ZMAT4: variants seen among roughly 807,000 people sequenced by gnomAD.
ZMAT4 encodes the protein zinc finger matrin-type 4, also known as zinc finger matrin-type protein 4.
In ZMAT4, 17 loss-of-function variants were observed where a neutral mutation model predicts 28.7. The observed-to-expected ratio is 0.59, with a 90% CI of 0.41 to 0.89. The LOEUF is 0.89. Ranked by LOEUF, ZMAT4 falls within the 40% of genes least tolerant of loss-of-function variation. The pLI, the probability that ZMAT4 is intolerant of heterozygous loss-of-function variation, is 0.00. For synonymous variants in ZMAT4, 117 were observed against 109.2 expected (o/e 1.07, Z -0.44); for missense variants, 240 against 283.8 (o/e 0.85, Z 1.11).
intron 5 of ZMAT4, among the ~76,000 whole-genome samples, chr8:40,628,791 T>C (rs945747140): frequency 4.6e-5 from 7 of 152,144 alleles, no homozygotes; most frequent in African/African-American, 1.7e-4. Flanking sequence ...CACTTCTGGG[T>C]CCTTTTAGGC....
intron 1 of ZMAT4, among the ~76,000 whole-genome samples, chr8:40,862,577 A>T (rs1563534433): frequency 8.9e-6 from 1 of 112,270 alleles, no homozygotes; most frequent in African/African-American, 3.6e-5. Context: ...TAATAAAAAA[A>T]AAAAATTAAA....
chr8:40,815,864 G>A (rs1364947975), intron 2 of ZMAT4, among the ~76,000 whole-genome samples: 1 of 152,112 alleles, frequency 6.6e-6, no homozygotes, highest in Non-Finnish European at 1.5e-5. Context: ...TACCTCCCCG[G>A]CACTGTAATA....
At chr8:40,548,323 G>A (rs564485757) in intron 6 of ZMAT4, among the ~76,000 whole-genome samples, 1 of 151,928 alleles carries the variant, frequency 6.6e-6, no homozygotes, top group South Asian at 2.1e-4. Context: ...AGGAAGAAGA[G>A]GAAGGATATA....
chr8:40,661,295 T>G (rs1256844425), intron 5 of ZMAT4, among the ~76,000 whole-genome samples: 5 of 152,222 alleles, frequency 3.3e-5, no homozygotes, highest in Non-Finnish European at 7.3e-5. Context: ...AAATGGGGTT[T>G]CACCATGTTG....
intron 3 of ZMAT4, among the ~76,000 whole-genome samples, chr8:40,709,432 A>G (rs1162025438): frequency 6.6e-6 from 1 of 152,220 alleles, no homozygotes; most frequent in Non-Finnish European, 1.5e-5. Flanking sequence ...TAAACCGTAT[A>G]GAAAGATATT....
chr8:40,618,544 G>A (rs750410583), intron 5 of ZMAT4, among the ~76,000 whole-genome samples: 2 of 151,660 alleles, frequency 1.3e-5, no homozygotes, highest in African/African-American at 2.4e-5. Context: ...TTAGTACAAG[G>A]TTTTTAATCA....
At chr8:40,608,204 G>A (rs182524931) in intron 5 of ZMAT4, among the ~76,000 whole-genome samples, 27 of 152,242 alleles carry the variant, frequency 1.8e-4, no homozygotes, top group Admixed American at 4.6e-4. Context: ...ATGGGGGCAG[G>A]ATTAGGCATG....
chr8:40,563,481 G>A (rs954319663), intron 6 of ZMAT4, among the ~76,000 whole-genome samples: 4 of 151,956 alleles, frequency 2.6e-5, no homozygotes, highest in Admixed American at 6.6e-5. Flanking sequence ...TCAAGTATTA[G>A]GTCTCTAGCA....
chr8:40,532,242 T>C lies in ZMAT4; in HGVS notation c.675-4A>G. ...CTTTCACTACTTATTCTTCAGGCTA[T>C]AAGACAGAAGGAAACACAGTGTTAC... On this transcript the variant is annotated splice_region_variant and splice_polypyrimidine_tract_variant and intron_variant, in intron 6 of 6. Transcript: ENST00000297737. 6.3e-7 allele frequency: 1 copy of C among 1,585,308 alleles called. No individual in the cohort carries two copies. The highest frequency in any genetic ancestry group is 8.6e-7 in the Non-Finnish European group (1 of 1,165,350).
intron 5 of ZMAT4, among the ~76,000 whole-genome samples, chr8:40,610,016 G>A (rs1359816900): frequency 6.6e-6 from 1 of 152,152 alleles, no homozygotes; most frequent in African/African-American, 2.4e-5. Flanking sequence ...ATTGTTAGAA[G>A]ATTAAATAAA....
intron 5 of ZMAT4, among the ~76,000 whole-genome samples, chr8:40,600,492 T>C (rs1805263212): frequency 6.6e-6 from 1 of 152,222 alleles, no homozygotes; most frequent in African/African-American, 2.4e-5. Context: ...CCTTCTCTGC[T>C]GAGCCAACCT....
At chr8:40,688,641 A>G (rs1357182968) in intron 4 of ZMAT4, among the ~76,000 whole-genome samples, 1 of 152,160 alleles carries the variant, frequency 6.6e-6, no homozygotes, top group African/African-American at 2.4e-5. Flanking sequence ...ATCACTTAGC[A>G]GGAAATCCTA....
At chr8:40,661,895 G>A (rs1808215120) in intron 5 of ZMAT4, among the ~76,000 whole-genome samples, 1 of 152,218 alleles carries the variant, frequency 6.6e-6, no homozygotes, top group Non-Finnish European at 1.5e-5. Context: ...GGAGAAAAAT[G>A]AATTGGTTAG....
At chr8:40,554,311 C>T (rs1803455804) in intron 6 of ZMAT4, among the ~76,000 whole-genome samples, 1 of 151,960 alleles carries the variant, frequency 6.6e-6, no homozygotes. Flanking sequence ...TACAAACCAA[C>T]CATTGTTTTT....
intron 4 of ZMAT4, among the ~76,000 whole-genome samples, chr8:40,694,255 G>A (rs917293504): frequency 6.6e-6 from 1 of 152,158 alleles, no homozygotes; most frequent in African/African-American, 2.4e-5. Context: ...AGCTGTACTT[G>A]ATAATTCAGG....
rs200337288 is a variant in ZMAT4, at chr8:40,799,155, C to A, written c.102+26420G>T. Reference sequence around the variant, plus strand: ...GAAGGATAGATGGCTGGCTGGCTGGCTGGATGGATGGATGAATAGAGAGAG... The same window carrying A: ...GAAGGATAGATGGCTGGCTGGCTGGATGGATGGATGGATGAATAGAGAGAG... On this transcript the variant is annotated intron_variant, in intron 2 of 6. Transcript: ENST00000297737. Among the ~76,000 whole-genome samples, 255 of 146,170 alleles carry A rather than the reference C, an allele frequency of 1.7e-3. 2 individuals are homozygous for A. Among genetic ancestry groups the A allele is most frequent in the African/African-American group, 5.4e-3 (211 of 39,322 alleles).
chr8:40,842,339 G>A (rs892961202), intron 1 of ZMAT4, among the ~76,000 whole-genome samples: 3 of 152,358 alleles, frequency 2.0e-5, no homozygotes, highest in Middle Eastern at 3.4e-3. Context: ...AAATCCGGGG[G>A]TCTTTCCAGA....
At chr8:40,579,456 A>G (rs1021716610) in intron 6 of ZMAT4, among the ~76,000 whole-genome samples, 2 of 152,210 alleles carry the variant, frequency 1.3e-5, no homozygotes, top group African/African-American at 4.8e-5. Flanking sequence ...CTAGTATTCC[A>G]TAACAAATCA....
At chr8:40,714,106 G>A (rs1211617916) in intron 3 of ZMAT4, among the ~76,000 whole-genome samples, 1 of 151,956 alleles carries the variant, frequency 6.6e-6, no homozygotes, top group African/African-American at 2.4e-5. Flanking sequence ...ATGTCTTATT[G>A]TCAAAGGTGC....
Sources: allele counts gnomAD v4.1 joint callset (sites outside exome capture counted in the v4.1 genomes callset), GRCh38; gene constraint gnomAD v4.1.1; transcripts MANE v1.5; gene names NCBI Gene and HGNC (gene_info 2026-07-23, HGNC 2026-07-21).